Variants in MYL3 observed in about 807,000 individuals in gnomAD.
MYL3 encodes the protein CMLC1.
In MYL3, 11 loss-of-function variants were observed where a neutral mutation model predicts 21.3. The observed-to-expected ratio is 0.52, with a 90% CI of 0.32 to 0.85. The LOEUF (loss-of-function observed/expected upper bound fraction) is 0.85. Among genes scored for constraint, MYL3 ranks in the 40% least tolerant of loss-of-function variants. The pLI is 0.03. For missense variants in MYL3, 206 were observed against 253.3 expected, an observed-to-expected ratio of 0.81 and a Z score of 1.27; for synonymous variants, 88 against 91.6, an observed-to-expected ratio of 0.96 and a Z score of 0.22.
upstream of MYL3, among the ~76,000 whole-genome samples, chr3:46,866,136 A>G (rs922464145): frequency 6.6e-6 from 1 of 151,862 alleles, no homozygotes; most frequent in African/African-American, 2.4e-5. Context: ...GGTGGGCAGC[A>G]GTTGGCGGTA....
rs973774035 is a variant in MYL3 at position 46,882,122 on chromosome 3, G to A, written c.-266C>T. On this transcript the variant is annotated 5_prime_UTR_variant, in exon 1 of 4. Coordinates refer to the MYL3 transcript ENST00000431168. The surrounding 1 kb of genome is among the most constrained non-coding windows in gnomAD (Gnocchi z 4.3). Reference sequence around the variant, plus strand: ...GCCTCGGCCTCTAGCGCAATGTCCCGGGGCGGGGGGCGGAAGGCTCCTCTC... The same window carrying A: ...GCCTCGGCCTCTAGCGCAATGTCCCAGGGCGGGGGGCGGAAGGCTCCTCTC... 1 of 151,632 alleles carries A rather than the reference G, an allele frequency of 6.6e-6. No individual in the cohort carries two copies. The highest frequency in any genetic ancestry group is 2.1e-4 in the South Asian group (1 of 4,802). 9.4% of individuals were successfully genotyped at this position (151,632 alleles called of 1,614,324 possible).
At position 46,858,054 on chromosome 3, in the gene MYL3, A is replaced by G; in HGVS notation, c.*61T>C. ...ACGACTCCAGGCCGCTGGTGTCAGC[A>G]TCACACATGGGAGATGAGACGTCCC... On this transcript the variant is annotated 3_prime_UTR_variant, in exon 7 of 7. Coordinates refer to ENST00000292327, the MANE Select transcript of MYL3 (RefSeq NM_000258.3). 1.4e-6 allele frequency: 1 copy of G among 729,866 alleles called. No homozygotes were observed. The highest frequency in any genetic ancestry group is 2.4e-6 in the Non-Finnish European group (1 of 424,874). The allele number at this position is 729,866 out of a possible 1,614,324, so 45.2% of individuals were successfully genotyped here.
At chr3:46,863,145 G>T in intron 1 of MYL3, 117 bp downstream of exon 1, 1 of 1,480,478 alleles carries the variant, frequency 6.8e-7, no homozygotes, top group Non-Finnish European at 9.3e-7. Context: ...CTGCACAGAA[G>T]CTTCCAGCGT....
chr3:46,865,267 G>A (rs987262416), upstream of MYL3, among the ~76,000 whole-genome samples: 4 of 152,018 alleles, frequency 2.6e-5, no homozygotes, highest in African/African-American at 4.8e-5. The surrounding 1 kb of genome is among the most constrained non-coding windows in gnomAD (Gnocchi z 4.3). Flanking sequence ...GACAACATCC[G>A]GGACTGGCGG....
At chr3:46,873,908 C>T (rs2030044696) in intron 1 of MYL3, among the ~76,000 whole-genome samples, 1 of 152,230 alleles carries the variant, frequency 6.6e-6, no homozygotes, top group South Asian at 2.1e-4. Flanking sequence ...AGACCAGCTG[C>T]CAGTGTCCCC....
chr3:46,875,170 C>A (rs538079752), intron 1 of MYL3, among the ~76,000 whole-genome samples: 2 of 152,342 alleles, frequency 1.3e-5, no homozygotes, highest in Non-Finnish European at 2.9e-5. Flanking sequence ...TTTCCAGGGA[C>A]CACGGGACGG....
upstream of MYL3, chr3:46,863,489 A>T: frequency 7.4e-7 from 1 of 1,343,184 alleles, no homozygotes; most frequent in Non-Finnish European, 1.0e-6. Context: ...CGGATACCTC[A>T]TGACCCCAGC....
chr3:46,860,874 C>G lies in MYL3; in HGVS notation c.158-49G>C. 1 of 1,614,114 alleles carries G rather than the reference C, an allele frequency of 6.2e-7. No individual in the cohort carries two copies. Among genetic ancestry groups the G allele is most frequent in the Non-Finnish European group, 8.5e-7 (1 of 1,180,014 alleles). ...ACAGACACTCCCAGGGTCAGCCTAC[C>G]CCACTCCCCACACCCCTGGCAGGAC... On this transcript the variant is annotated intron_variant, in intron 2 of 6. Transcript: ENST00000292327. The surrounding 1 kb of genome is among the most constrained non-coding windows in gnomAD (Gnocchi z 4.6).
intron 4 of MYL3, among the ~76,000 whole-genome samples, chr3:46,858,711 C>T (rs919540325): frequency 6.6e-6 from 1 of 152,142 alleles, no homozygotes; most frequent in Non-Finnish European, 1.5e-5. Context: ...TCCGCCAGGA[C>T]GAAGCCAGGG....
chr3:46,872,446 C>A (rs1289348280), intron 1 of MYL3, among the ~76,000 whole-genome samples: 3 of 151,996 alleles, frequency 2.0e-5, no homozygotes, highest in Non-Finnish European at 2.9e-5. Context: ...CCCAAGACCC[C>A]CCCCCTCAGC....
intron 1 of MYL3, among the ~76,000 whole-genome samples, chr3:46,877,105 T>C (rs528561921): frequency 6.6e-6 from 1 of 152,206 alleles, no homozygotes; most frequent in South Asian, 2.1e-4. Context: ...GGCTGACTCC[T>C]CACCAGGAGC....
Position 46,860,679 on chromosome 3 carries a change from C to T in MYL3, c.304G>A (p.Glu102Lys). Residue 102 changes from glutamate (E) to lysine (K), a missense_variant, in exon 3 of 7, where the codon GAA (glutamate) becomes AAA (lysine). By Grantham distance (56) the Glu-to-Lys change is moderately conservative. Coordinates refer to ENST00000292327, the MANE Select transcript of MYL3 (RefSeq NM_000258.3). This position sits in a 1 kb window ranked among gnomAD's most constrained non-coding sequence, Gnocchi z 4.6. ...VLRVLGKPRQ[E>K]ELNTKMMDFE... ...GGCTCTCGGGCAGGTGCACTACCTT[C>T]CTGTCTTGGCTTCCCCAGGACACGG... 1.9e-6 allele frequency: 3 copies of T among 1,613,810 alleles called. No individual in the cohort carries two copies. The highest frequency in any genetic ancestry group is 2.2e-5 in the East Asian group (1 of 44,888).
chr3:46,872,870 G>A (rs867563534), intron 1 of MYL3, among the ~76,000 whole-genome samples: 2 of 152,208 alleles, frequency 1.3e-5, no homozygotes, highest in African/African-American at 2.4e-5. Context: ...AACAATGAAG[G>A]GATCTGTCTC....
upstream of MYL3, among the ~76,000 whole-genome samples, chr3:46,866,111 G>T (rs925735405): frequency 5.3e-5 from 8 of 151,596 alleles, no homozygotes; most frequent in Non-Finnish European, 1.0e-4. Flanking sequence ...GGGAGTTGGG[G>T]GTGGAGGGAG....
chr3:46,868,810 G>T (rs111954402), intron 1 of MYL3, among the ~76,000 whole-genome samples: 1,622 of 152,294 alleles, frequency 0.011, 33 homozygotes, highest in African/African-American at 0.036. Context: ...GTCTCAGGAG[G>T]GAGATTGAAA....
At chr3:46,870,033 G>C (rs569759973) in intron 1 of MYL3, among the ~76,000 whole-genome samples, 2 of 152,202 alleles carry the variant, frequency 1.3e-5, no homozygotes, top group African/African-American at 4.8e-5. Context: ...AGGATGGAGA[G>C]AGACAGAGAA....
chr3:46,869,344 G>A (rs971084828), intron 1 of MYL3, among the ~76,000 whole-genome samples: 28 of 152,332 alleles, frequency 1.8e-4, no homozygotes, highest in South Asian at 6.2e-4. Context: ...CCACCTAGAC[G>A]GGCTGAGGAA....
rs1025115669 is a variant in MYL3 at position 46,879,196 on chromosome 3, G to A, written c.-218+2878C>T. Among the ~76,000 whole-genome samples the A allele has an allele frequency of 8.5e-5, 13 of 152,196 alleles. No individual in the cohort carries two copies. The highest frequency in any genetic ancestry group is 4.2e-4 in the South Asian group (2 of 4,814). On this transcript the variant is annotated intron_variant, in intron 1 of 3. Coordinates refer to the MYL3 transcript ENST00000431168. This position sits in a 1 kb window ranked among gnomAD's most constrained non-coding sequence, Gnocchi z 4.7. Reference sequence around the variant, plus strand: ...TATGGCAGGAGGAATGCCCTTAAGGGACCCAGCACCCATCAGATTCCTCTC... The same window carrying A: ...TATGGCAGGAGGAATGCCCTTAAGGAACCCAGCACCCATCAGATTCCTCTC...
Position 46,857,971 on chromosome 3 carries a change from C to T in MYL3, c.*144G>A, listed in dbSNP as rs1246580028. 5.4e-6 allele frequency: 3 copies of T among 557,216 alleles called. No homozygotes were observed. The highest frequency in any genetic ancestry group is 9.7e-6 in the Non-Finnish European group (3 of 309,326). The allele number at this position is 557,216 out of a possible 1,614,324, so 34.5% of individuals were successfully genotyped here. The stretch of plus-strand genomic sequence containing the variant: ...GCCTGAGAGGGGCCAGAGACGGCAA[C>T]CACGTGGAGAGGTCCAAGGGTTTTT... On this transcript the variant is annotated 3_prime_UTR_variant, in exon 7 of 7. Coordinates refer to ENST00000292327, the MANE Select transcript of MYL3 (RefSeq NM_000258.3). This position sits in a 1 kb window ranked among gnomAD's most constrained non-coding sequence, Gnocchi z 5.0.
Sources: gnomAD v4.1 joint callset for allele counts (sites outside exome capture counted in the v4.1 genomes callset) on GRCh38, gnomAD v4.1.1 for gene constraint, Gnocchi (gnomAD v3.1) non-coding constraint, MANE v1.5 for transcripts, NCBI Gene and HGNC (gene_info 2026-07-23, HGNC 2026-07-21) for gene names.